The following SLC9A9 variants were observed in gnomAD, a reference collection of about 807,000 sequenced individuals.
SLC9A9 encodes the protein sodium/hydrogen exchanger 9.
SLC9A9 carries 62 observed loss-of-function variants against 77.8 expected under a neutral mutation model. That is an observed-to-expected ratio of 0.80 (90% CI 0.65 to 0.98). SLC9A9 has a LOEUF of 0.98. SLC9A9 is among the 50% of genes least tolerant of loss of function. SLC9A9 has a pLI of 0.00. For synonymous variants in SLC9A9, 320 were observed against 283.5 expected, an observed-to-expected ratio of 1.13 and a Z score of -1.29; for missense variants, 775 against 774.9, an observed-to-expected ratio of 1.00 and a Z score of 0.00.
chr3:143,830,864 C>G (rs1423447500), intron 2 of SLC9A9, among the ~76,000 whole-genome samples: 1 of 151,970 alleles, frequency 6.6e-6, no homozygotes, highest in Admixed American at 6.6e-5. Flanking sequence ...AGAAGTTGCT[C>G]CTCTTTATTT....
In SLC9A9 at chr3:143,289,325, G is replaced by A. The variant is rs535262439; in HGVS notation, c.1605-20345C>T. On this transcript the variant is annotated intron_variant, in intron 14 of 15. Transcript: ENST00000316549. ...CCGGTACAGTTTGACTTGGCTTTTT[G>A]TTTCATTTAGTTTCAAGAATGTTTC... Among the ~76,000 whole-genome samples the A allele has an allele frequency of 4.5e-4, 69 of 152,208 alleles. 1 individual carries two copies. The highest frequency in any genetic ancestry group is 1.7e-3 in the African/African-American group (69 of 41,536).
At chr3:143,677,256 T>G (rs1278313741) in intron 5 of SLC9A9, among the ~76,000 whole-genome samples, 1 of 152,192 alleles carries the variant, frequency 6.6e-6, no homozygotes, top group Non-Finnish European at 1.5e-5. Context: ...ATGGGGGTTA[T>G]CTACACATAA....
At chr3:143,428,557 C>T (rs1386228091) in intron 12 of SLC9A9, among the ~76,000 whole-genome samples, 1 of 152,176 alleles carries the variant, frequency 6.6e-6, no homozygotes, top group Non-Finnish European at 1.5e-5. Context: ...AGCAGAAGTA[C>T]TATATGATCC....
chr3:143,798,530 CCTT>C (rs1205128662), intron 2 of SLC9A9, among the ~76,000 whole-genome samples: 1 of 152,166 alleles, frequency 6.6e-6, no homozygotes, highest in African/African-American at 2.4e-5. Context: ...CTCCATTCCT[CCTT>C]CTTCTCCCTT....
chr3:143,750,294 T>C (rs2006663199), intron 4 of SLC9A9, among the ~76,000 whole-genome samples: 1 of 152,242 alleles, frequency 6.6e-6, no homozygotes, highest in South Asian at 2.1e-4. Flanking sequence ...TAAATGACAA[T>C]GTGCTTGAAT....
At position 143,268,999 on chromosome 3, in the gene SLC9A9, A is replaced by C. The variant is rs1578250259; in HGVS notation, c.1605-19T>G. 1.3e-6 allele frequency: 2 copies of C among 1,545,676 alleles called. No individual in the cohort carries two copies. Among genetic ancestry groups the C allele is most frequent in the East Asian group, 4.5e-5 (2 of 44,428 alleles). On this transcript the variant is annotated intron_variant, in intron 14 of 15. Transcript: ENST00000316549. ...CAGATACCTGGGAGGCCTGTTAAGG[A>C]ATACTTGTCAACAGGGAGTTAGGAT...
chr3:143,599,846 T>A (rs908794621), intron 6 of SLC9A9, among the ~76,000 whole-genome samples: 1 of 152,156 alleles, frequency 6.6e-6, no homozygotes, highest in Non-Finnish European at 1.5e-5. Flanking sequence ...AAGTAAGATA[T>A]CAATGCCTCT....
At chr3:143,310,746 C>T (rs1049404238) in intron 14 of SLC9A9, among the ~76,000 whole-genome samples, 5 of 152,068 alleles carry the variant, frequency 3.3e-5, no homozygotes, top group South Asian at 2.1e-4. Context: ...TGAGAACTGC[C>T]GTAACCAGAA....
chr3:143,380,621 TAATCCC>T (rs2033281157), intron 13 of SLC9A9, among the ~76,000 whole-genome samples: 2 of 152,224 alleles, frequency 1.3e-5, no homozygotes, highest in Admixed American at 1.3e-4. Flanking sequence ...AGGCTGGCTC[TAATCCC>T]AGTGCTTTGG....
chr3:143,660,041 C>T (rs1016163924), intron 5 of SLC9A9, among the ~76,000 whole-genome samples: 3 of 152,202 alleles, frequency 2.0e-5, no homozygotes, highest in East Asian at 3.8e-4. Context: ...GATTGTGAGG[C>T]CTTCCCAGCC....
At chr3:143,780,289 C>T (rs1345884593) in intron 4 of SLC9A9, among the ~76,000 whole-genome samples, 1 of 151,986 alleles carries the variant, frequency 6.6e-6, no homozygotes, top group Non-Finnish European at 1.5e-5. Flanking sequence ...ACCAGATAGC[C>T]CAATTAGTAA....
intron 8 of SLC9A9, among the ~76,000 whole-genome samples, chr3:143,554,309 A>G (rs905386044): frequency 6.6e-6 from 1 of 152,326 alleles, no homozygotes; most frequent in South Asian, 2.1e-4. Context: ...ATCTCACAAC[A>G]GGCTCACAAT....
chr3:143,652,382 T>C (rs375267399), intron 5 of SLC9A9, 22 bp from the exon 6 acceptor site: 190 of 1,593,608 alleles, frequency 1.2e-4, no homozygotes, highest in South Asian at 6.4e-4. Flanking sequence ...CACACAAACA[T>C]GCAGGTTAGC....
At chr3:143,393,808 G>C (rs546905169) in intron 12 of SLC9A9, among the ~76,000 whole-genome samples, 4 of 151,908 alleles carry the variant, frequency 2.6e-5, no homozygotes, top group South Asian at 2.1e-4. Context: ...TACCATCAGA[G>C]AATACTATAA....
intron 12 of SLC9A9, among the ~76,000 whole-genome samples, chr3:143,446,282 G>C (rs2034839936): frequency 6.6e-6 from 1 of 151,960 alleles, no homozygotes; most frequent in Non-Finnish European, 1.5e-5. Flanking sequence ...GGTGGAAGGT[G>C]GAGTTTAAGG....
chr3:143,807,010 A>G (rs1285806292), intron 2 of SLC9A9, among the ~76,000 whole-genome samples: 1 of 152,116 alleles, frequency 6.6e-6, no homozygotes, highest in African/African-American at 2.4e-5. Flanking sequence ...ACCTCCCTTC[A>G]CCCTTCCTCA....
At chr3:143,624,961 A>G (rs2038291910) in intron 6 of SLC9A9, among the ~76,000 whole-genome samples, 2 of 152,200 alleles carry the variant, frequency 1.3e-5, no homozygotes, top group Non-Finnish European at 2.9e-5. Flanking sequence ...GCATTCTTAT[A>G]CACCAATAAC....
intron 9 of SLC9A9, among the ~76,000 whole-genome samples, chr3:143,537,259 T>TG (rs2036605189): frequency 6.6e-6 from 1 of 152,254 alleles, no homozygotes; most frequent in Non-Finnish European, 1.5e-5. Flanking sequence ...ATCCTGGGCA[T>TG]GGAGCCCGGG....
chr3:143,749,662 C>G (rs577191752), intron 4 of SLC9A9, among the ~76,000 whole-genome samples: 116 of 152,326 alleles, frequency 7.6e-4, no homozygotes, highest in South Asian at 1.4e-3. Context: ...TAAAAGATTT[C>G]ATCTTTAGTT....
Sources: allele counts gnomAD v4.1 joint callset (sites outside exome capture counted in the v4.1 genomes callset), GRCh38; gene constraint gnomAD v4.1.1; transcripts MANE v1.5; gene names NCBI Gene and HGNC (gene_info 2026-07-23, HGNC 2026-07-21).